CATSPER1: variants seen among roughly 807,000 people sequenced by gnomAD.
CATSPER1 encodes the protein cation channel sperm associated 1.
A neutral mutation model predicts 72.7 loss-of-function variants in CATSPER1; 57 were observed. That is an observed-to-expected ratio of 0.78 (90% CI 0.63 to 0.98). CATSPER1 has a LOEUF of 0.98. Among genes scored for constraint, CATSPER1 ranks in the 50% least tolerant of loss-of-function variants. The pLI is 0.00. For missense variants in CATSPER1, 910 were observed against 1,033.9 expected, an observed-to-expected ratio of 0.88 and a Z score of 1.64; for synonymous variants, 363 against 403.0, an observed-to-expected ratio of 0.90 and a Z score of 1.19.
chr11:66,021,421 A>G (rs764420327), intron 4 of CATSPER1, 75 bp downstream of exon 4: 16 of 1,567,696 alleles, frequency 1.0e-5, no homozygotes, highest in Non-Finnish European at 1.1e-5. Context: ...GTCACAGTGG[A>G]TTTCTTTGGG....
chr11:66,018,396 C>T (rs1217882718), intron 10 of CATSPER1, among the ~76,000 whole-genome samples: 1 of 152,048 alleles, frequency 6.6e-6, no homozygotes, highest in South Asian at 2.1e-4. Context: ...GAGCATCGGA[C>T]CTCCAGGCCT....
At position 66,020,312 on chromosome 11, in the gene CATSPER1, G is replaced by T; in HGVS notation, c.2064+5C>A. 1 of 1,614,132 alleles carries T rather than the reference G, an allele frequency of 6.2e-7. No homozygotes were observed. The highest frequency in any genetic ancestry group is 8.5e-7 in the Non-Finnish European group (1 of 1,180,028). ...CTGGTCCACCTGTCCCACCCCACTC[G>T]GTACCTCCTGCTTCGCTTTCTCAAG... is the stretch of plus-strand genomic sequence containing the variant. On this transcript the variant is annotated splice_donor_5th_base_variant and intron_variant, in intron 8 of 11. Transcript: ENST00000312106. The surrounding 1 kb of genome is among the most constrained non-coding windows in gnomAD (Gnocchi z 4.5).
At position 66,018,864 on chromosome 11, in the gene CATSPER1, G is replaced by T; in HGVS notation, c.2164C>A (p.Arg722=). 1 of 1,613,858 alleles carries T rather than the reference G, an allele frequency of 6.2e-7. No homozygotes were observed. The highest frequency in any genetic ancestry group is 8.5e-7 in the Non-Finnish European group (1 of 1,179,994). Residue 722 remains arginine, a synonymous_variant, in exon 10 of 12, where the codon CGG becomes AGG. Coordinates refer to ENST00000312106, the MANE Select transcript of CATSPER1 (RefSeq NM_053054.4). ...EVASEGTMLK[R]LIEKKFGTMT... is the part of the protein sequence containing the mutation. ...GTCCCAAACTTTTTCTCGATGAGCC[G>T]CTTCAGCATGGTGCCTTCACTCGCC... is the stretch of plus-strand genomic sequence containing the variant.
chr11:66,018,975 G>A, intron 9 of CATSPER1, 73 bp from the exon 10 acceptor site: 2 of 1,270,350 alleles, frequency 1.6e-6, no homozygotes, highest in Non-Finnish European at 2.3e-6. Context: ...CATGTGTCAG[G>A]AAGATAAGGG....
In CATSPER1 at chr11:66,025,263, G is replaced by T; in HGVS notation, c.1117C>A (p.Arg373Ser). Residue 373 changes from arginine to serine, a missense_variant, in exon 1 of 12, where the codon CGT becomes AGT. Coordinates refer to ENST00000312106, the MANE Select transcript of CATSPER1 (RefSeq NM_053054.4). ...ACTTTTTTGGACATCTGGGTGACAC[G>T]TGAGCGGATTGTGCTGGAGGACCGA... ...MTRSSSTIRS[R>S]VTQMSKKVHT... The T allele has an allele frequency of 6.2e-7, 1 of 1,614,178 alleles. No individual in the cohort carries two copies. The highest frequency in any genetic ancestry group is 8.5e-7 in the Non-Finnish European group (1 of 1,180,036).
In CATSPER1 at chr11:66,025,153, C is replaced by A. The variant is rs1263029895; in HGVS notation, c.1216+11G>T. ...GCAGGAGTTGGCATGGGGGGCCCAG[C>A]AAAGACTCACTTTTGCGTTTCTGAA... On this transcript the variant is annotated intron_variant, in intron 1 of 11. Coordinates refer to ENST00000312106, the MANE Select transcript of CATSPER1 (RefSeq NM_053054.4). 1 of 1,613,938 alleles carries A rather than the reference C, an allele frequency of 6.2e-7. No homozygotes were observed. The highest frequency in any genetic ancestry group is 2.2e-5 in the East Asian group (1 of 44,890).
In CATSPER1 at chr11:66,026,235, C is replaced by T. The variant is rs149821768; in HGVS notation, c.145G>A (p.Gly49Ser). 2,158 of 1,613,416 alleles carry T rather than the reference C, an allele frequency of 1.3e-3. 7 individuals are homozygous for T. Among genetic ancestry groups the T allele is most frequent in the Admixed American group, 2.0e-3 (120 of 59,992 alleles). ...ALHHYELHHHGVPHQRGESHH... is the reference protein window; with the variant it reads ...ALHHYELHHHSVPHQRGESHH... Reference sequence around the variant, plus strand: ...GATTCACCACGTTGGTGGGGCACGCCGTGATGGTGCAACTCGTAATGGTGG... The same window carrying T: ...GATTCACCACGTTGGTGGGGCACGCTGTGATGGTGCAACTCGTAATGGTGG... The change falls in exon 1 of 12, where the codon GGC becomes AGC. Residue 49 changes from glycine (G) to serine (S), a missense_variant. Physicochemically the swap from Gly to Ser is moderately conservative, Grantham distance 56 (BLOSUM62 0). Coordinates refer to ENST00000312106, the MANE Select transcript of CATSPER1 (RefSeq NM_053054.4).
At chr11:66,018,947 G>A in intron 9 of CATSPER1, 45 bp from the exon 10 acceptor site, 1 of 1,473,780 alleles carries the variant, frequency 6.8e-7, no homozygotes, top group Non-Finnish European at 9.5e-7. Flanking sequence ...TGGATTTGGA[G>A]AGGAGGCAGA....
Position 66,025,524 on chromosome 11 carries a change from T to C in CATSPER1, c.856A>G (p.Thr286Ala). The change falls in exon 1 of 12, where the codon ACA (threonine) becomes GCA (alanine). Residue 286 changes from threonine to alanine, a missense_variant. Coordinates refer to ENST00000312106, the MANE Select transcript of CATSPER1 (RefSeq NM_053054.4). ...TGGGTCTGGTGGTAGTGGTGCTGTGTGTGGTGGGGATGGTCGCCATGGTGG... is the reference window on the plus strand; with the variant it reads ...TGGGTCTGGTGGTAGTGGTGCTGTGCGTGGTGGGGATGGTCGCCATGGTGG... Reference protein sequence around the residue: ...EYHHGDHPHHTQHHYHQTHRH... With the variant: ...EYHHGDHPHHAQHHYHQTHRH... 6.2e-7 allele frequency: 1 copy of C among 1,604,778 alleles called. No homozygotes were observed. Among genetic ancestry groups the C allele is most frequent in the East Asian group, 2.2e-5 (1 of 44,630 alleles).
intron 4 of CATSPER1, 21 bp from the exon 5 acceptor site, chr11:66,021,206 G>A: frequency 6.2e-7 from 1 of 1,606,392 alleles, no homozygotes; most frequent in Non-Finnish European, 8.5e-7. Context: ...AAGGAGTGGG[G>A]ACTGAGTCAT....
rs200131049 is a variant in CATSPER1 at position 66,020,904 on chromosome 11, G to A, written c.1834C>T (p.Arg612Cys). ...RALFRKSDPK[R>C]FQNIFTTIFT... is the part of the protein sequence containing the mutation. Reference sequence around the variant, plus strand: ...ATGGTGGTGAAGATGTTCTGGAAGCGCTTGGGGTCAGATTTGCGGAACAGT... The same window carrying A: ...ATGGTGGTGAAGATGTTCTGGAAGCACTTGGGGTCAGATTTGCGGAACAGT... The change falls in exon 6 of 12, where the codon CGC becomes TGC. Residue 612 changes from arginine (R) to cysteine (C), a missense_variant. Arg to Cys is a radical substitution (Grantham distance 180). Transcript: ENST00000312106. The surrounding 1 kb of genome is among the most constrained non-coding windows in gnomAD (Gnocchi z 4.5). 12 of 1,613,936 alleles carry A rather than the reference G, an allele frequency of 7.4e-6. No individual in the cohort carries two copies. The highest frequency in any genetic ancestry group is 2.7e-5 in the African/African-American group (2 of 74,904).
At position 66,026,462 on chromosome 11, in the gene CATSPER1, C is replaced by G; in HGVS notation, c.-83G>C. On this transcript the variant is annotated 5_prime_UTR_variant, in exon 1 of 12. Transcript: ENST00000312106. Reference sequence around the variant, plus strand: ...GCCTGGATTTCCCTTCTTTCCTGAGCCAAGCTCAATGCAGACTGTGGCACT... The same window carrying G: ...GCCTGGATTTCCCTTCTTTCCTGAGGCAAGCTCAATGCAGACTGTGGCACT... 2 of 1,598,908 alleles carry G rather than the reference C, an allele frequency of 1.3e-6. No individual in the cohort carries two copies. Among genetic ancestry groups the G allele is most frequent in the South Asian group, 2.2e-5 (2 of 90,480 alleles).
At position 66,018,859 on chromosome 11, in the gene CATSPER1, G is replaced by A. The variant is rs1348948949; in HGVS notation, c.2169C>T (p.Leu723=). 2 of 1,613,908 alleles carry A rather than the reference G, an allele frequency of 1.2e-6. No homozygotes were observed. The highest frequency in any genetic ancestry group is 1.1e-5 in the South Asian group (1 of 91,064). ...TCATGGTCCCAAACTTTTTCTCGAT[G>A]AGCCGCTTCAGCATGGTGCCTTCAC... is the stretch of plus-strand genomic sequence containing the variant. The part of the protein sequence containing the change: ...VASEGTMLKR[L]IEKKFGTMTE... The change falls in exon 10 of 12, where the codon CTC becomes CTT. Residue 723 remains leucine, a synonymous_variant. Coordinates refer to ENST00000312106, the MANE Select transcript of CATSPER1 (RefSeq NM_053054.4).
Position 66,026,030 on chromosome 11 carries a change from T to C in CATSPER1, c.350A>G (p.Asp117Gly), listed in dbSNP as rs2135001788. 1 of 1,613,948 alleles carries C rather than the reference T, an allele frequency of 6.2e-7. No homozygotes were observed. Among genetic ancestry groups the C allele is most frequent in the Non-Finnish European group, 8.5e-7 (1 of 1,179,982 alleles). The part of the protein sequence containing the change: ...SHRSYGEDYH[D>G]ELQRDGRRHH... Reference sequence around the variant, plus strand: ...CCTCCTGCCATCACGTTGGAGCTCATCATGGTAGTCCTCACCGTAGGAACG... The same window carrying C: ...CCTCCTGCCATCACGTTGGAGCTCACCATGGTAGTCCTCACCGTAGGAACG... Residue 117 changes from aspartate (D) to glycine (G), a missense_variant, in exon 1 of 12, where the codon GAT (aspartate) becomes GGT (glycine). Transcript: ENST00000312106.
At position 66,018,845 on chromosome 11, in the gene CATSPER1, A is replaced by C. The variant is rs151325897; in HGVS notation, c.2183T>G (p.Phe728Cys). The change falls in exon 10 of 12, where the codon TTT becomes TGT. Residue 728 changes from phenylalanine to cysteine, a missense_variant. Coordinates refer to ENST00000312106, the MANE Select transcript of CATSPER1 (RefSeq NM_053054.4). Reference protein sequence around the residue: ...TMLKRLIEKKFGTMTEKQQEL... With the variant: ...TMLKRLIEKKCGTMTEKQQEL... ...TCCTCACTTCTCAGTCATGGTCCCAAACTTTTTCTCGATGAGCCGCTTCAG... is the reference window on the plus strand; with the variant it reads ...TCCTCACTTCTCAGTCATGGTCCCACACTTTTTCTCGATGAGCCGCTTCAG... 3.1e-6 allele frequency: 5 copies of C among 1,613,260 alleles called. No individual in the cohort carries two copies. The African/African-American group carries it at 6.7e-5, about 22-fold the overall frequency.
intron 1 of CATSPER1, among the ~76,000 whole-genome samples, chr11:66,024,471 G>A (rs1250659736): frequency 6.6e-6 from 1 of 151,768 alleles, no homozygotes; most frequent in Non-Finnish European, 1.5e-5. Context: ...GTAAAGACGG[G>A]ATCTCGCCAT....
At position 66,025,385 on chromosome 11, in the gene CATSPER1, C is replaced by T. The variant is rs142296641; in HGVS notation, c.995G>A (p.Arg332Gln). 81 of 1,613,934 alleles carry T rather than the reference C, an allele frequency of 5.0e-5. No homozygotes were observed. The African/African-American group carries it at 7.9e-4, about 16-fold the overall frequency. The change falls in exon 1 of 12, where the codon CGG (arginine) becomes CAG (glutamine). Residue 332 changes from arginine (R) to glutamine (Q), a missense_variant. Transcript: ENST00000312106. Reference protein sequence around the residue: ...TSQLSIPHTSRSLIHDAPGPA... With the variant: ...TSQLSIPHTSQSLIHDAPGPA... ...GCCGGGGGCATCGTGAATCAGGCTC[C>T]GGGATGTGTGTGGGATAGAGAGTTG...
At position 66,023,040 on chromosome 11, in the gene CATSPER1, C is replaced by T. The variant is rs144478996; in HGVS notation, c.1238G>A (p.Arg413His). Reference protein sequence around the residue: ...KRKTGRLQRTRKKGHSTNLFQ... With the variant: ...KRKTGRLQRTHKKGHSTNLFQ... The stretch of plus-strand genomic sequence containing the variant: ...GAGATTGGTAGAGTGTCCCTTCTTG[C>T]GGGTCCGCTGGAGCCGGCCGGCTGA... Residue 413 changes from arginine (R) to histidine (H), a missense_variant, in exon 2 of 12, where the codon CGC (arginine) becomes CAC (histidine). By Grantham distance (29) the Arg-to-His change is conservative. Coordinates refer to ENST00000312106, the MANE Select transcript of CATSPER1 (RefSeq NM_053054.4). The T allele has an allele frequency of 4.2e-4, 672 of 1,614,012 alleles. No individual in the cohort carries two copies. The highest frequency in any genetic ancestry group is 5.5e-4 in the Non-Finnish European group (644 of 1,180,028).
Position 66,017,186 on chromosome 11 carries a change from C to CGGGGGGTGGGGG in CATSPER1, c.2202-13_2202-12insCCCCCACCCCCC. On this transcript the variant is annotated splice_polypyrimidine_tract_variant and intron_variant, in intron 10 of 11. Transcript: ENST00000312106. Reference sequence around the variant, plus strand: ...GGAGCTCCTGCTGCCTGCGGGTGGGCGGGGGGGTCGCAGAGACAGGGGCTG... The same window carrying CGGGGGGTGGGGG: ...GGAGCTCCTGCTGCCTGCGGGTGGGCGGGGGGTGGGGGGGGGGGGTCGCAGAGACAGGGGCTG... 1 of 258,974 alleles carries CGGGGGGTGGGGG rather than the reference C, an allele frequency of 3.9e-6. No homozygotes were observed. The highest frequency in any genetic ancestry group is 7.1e-6 in the Non-Finnish European group (1 of 141,236). 16.0% of individuals were successfully genotyped at this position (258,974 alleles called of 1,614,324 possible). A position where few individuals can be genotyped will look rare whatever the true frequency, so the allele number is the denominator to read the frequency against.
Sources: gnomAD v4.1 joint callset for allele counts (sites outside exome capture counted in the v4.1 genomes callset) on GRCh38, gnomAD v4.1.1 for gene constraint, Gnocchi (gnomAD v3.1) non-coding constraint, MANE v1.5 for transcripts, NCBI Gene and HGNC (gene_info 2026-07-23, HGNC 2026-07-21) for gene names.